The following GINS1 variants were observed in gnomAD, a reference collection of about 807,000 sequenced individuals.
GINS1 encodes GINS complex subunit 1.
A neutral mutation model predicts 34.9 loss-of-function variants in GINS1; 26 were observed. The ratio of observed to expected loss-of-function variants is 0.74; its 90% CI spans 0.55 to 1.03. The LOEUF is 1.03. Ranked by LOEUF, GINS1 falls within the 50% of genes least tolerant of loss-of-function variation. The probability of loss-of-function intolerance (pLI) is 0.00; values close to 1 mark genes in which losing one functional copy is unlikely to be tolerated. For synonymous variants in GINS1, 97 were observed against 84.4 expected, an observed-to-expected ratio of 1.15 and a Z score of -0.82; for missense variants, 235 against 237.9, an observed-to-expected ratio of 0.99 and a Z score of 0.08.
At chr20:25,438,160 G>A (rs1211200285) in intron 5 of GINS1, among the ~76,000 whole-genome samples, 3 of 148,420 alleles carry the variant, frequency 2.0e-5, no homozygotes, top group Non-Finnish European at 3.0e-5. Flanking sequence ...TCTGCCTACC[G>A]AAAAGGCCTA....
rs1600948784 is a variant in GINS1 at position 25,445,802 on chromosome 20, CTACT to C, written c.523-115_523-112del. 42 of 657,700 alleles carry C rather than the reference CTACT, an allele frequency of 6.4e-5. No individual in the cohort carries two copies. The East Asian group carries it at 9.0e-4, about 14-fold the overall frequency. The allele number at this position is 657,700 out of a possible 1,614,324, so 40.7% of individuals were successfully genotyped here. A position where few individuals can be genotyped will look rare whatever the true frequency, so the allele number is the denominator to read the frequency against. On this transcript the variant is annotated intron_variant, in intron 6 of 6. Coordinates refer to ENST00000262460, the MANE Select transcript of GINS1 (RefSeq NM_021067.5). ...CCAGCCCCTTAAGTTTAACTTTCAA[CTACT>C]TACTTGTTGGAGTTTGAAAACTAAT...
intron 2 of GINS1, among the ~76,000 whole-genome samples, chr20:25,416,381 T>C (rs1600921607): frequency 6.6e-6 from 1 of 152,252 alleles, no homozygotes; most frequent in East Asian, 1.9e-4. Flanking sequence ...AGAACAGCCC[T>C]AGAAGACATG....
intron 5 of GINS1, among the ~76,000 whole-genome samples, chr20:25,439,516 A>G (rs879910655): frequency 1.3e-5 from 2 of 152,146 alleles, no homozygotes; most frequent in African/African-American, 2.4e-5. Flanking sequence ...CAACAAATAA[A>G]ATACCAAGAG....
intron 1 of GINS1, chr20:25,413,498 A>C (rs2090300036): frequency 2.9e-6 from 1 of 346,440 alleles, no homozygotes; most frequent in Non-Finnish European, 5.2e-6. Flanking sequence ...ATATATATAC[A>C]CCTAGGAGTA....
chr20:25,425,899 T>C (rs1320356477), intron 5 of GINS1, among the ~76,000 whole-genome samples: 3 of 152,222 alleles, frequency 2.0e-5, no homozygotes, highest in Non-Finnish European at 4.4e-5. Context: ...TGGTATTAAA[T>C]ATTGTTTAAC....
intron 1 of GINS1, among the ~76,000 whole-genome samples, chr20:25,409,401 A>G (rs1212010507): frequency 2.6e-5 from 4 of 152,192 alleles, no homozygotes; most frequent in Non-Finnish European, 4.4e-5. Flanking sequence ...AGTGGCACTG[A>G]GATCAGTGTT....
rs1568802527 is a variant in GINS1, at chr20:25,423,452, C to CTTTTCTTTTTTTTTTTTTTT, written c.331-1755_331-1754insCTTTTTTTTTTTTTTTTTTT. Among the ~76,000 whole-genome samples the CTTTTCTTTTTTTTTTTTTTT allele has an allele frequency of 7.0e-4, 21 of 29,994 alleles. 4 individuals are homozygous for CTTTTCTTTTTTTTTTTTTTT. The highest frequency in any genetic ancestry group is 1.2e-3 in the Non-Finnish European group (21 of 17,348). 19.7% of individuals were successfully genotyped at this position (29,994 alleles called of 152,430 possible). A position where few individuals can be genotyped will look rare whatever the true frequency, so the allele number is the denominator to read the frequency against. Reference sequence around the variant, plus strand: ...AAGGTTATTAAGATATTTTTCTTTTCTTTTTTTTTTTTTTTTTTTTTTTTT... The same window carrying CTTTTCTTTTTTTTTTTTTTT: ...AAGGTTATTAAGATATTTTTCTTTTCTTTTCTTTTTTTTTTTTTTTTTTTTTTTTTTTTTTTTTTTTTTTT... On this transcript the variant is annotated intron_variant, in intron 4 of 6. Coordinates refer to ENST00000262460, the MANE Select transcript of GINS1 (RefSeq NM_021067.5).
At position 25,447,518 on chromosome 20, in the gene GINS1, ACT is replaced by A. The variant is rs2090519234; in HGVS notation, c.*1530_*1531del. 2 of 151,894 alleles carry A rather than the reference ACT, an allele frequency of 1.3e-5. No individual in the cohort carries two copies. Among genetic ancestry groups the A allele is most frequent in the Admixed American group, 1.3e-4 (2 of 15,246 alleles). The allele number at this position is 151,894 out of a possible 1,614,324, so 9.4% of individuals were successfully genotyped here. On this transcript the variant is annotated 3_prime_UTR_variant, in exon 7 of 7. Coordinates refer to ENST00000262460, the MANE Select transcript of GINS1 (RefSeq NM_021067.5). ...AATGTATATGTGGGTTTATTTCAGG[ACT>A]CTGTTTTGTTCCATTGACCTGTTTT... is the stretch of plus-strand genomic sequence containing the variant.
intron 5 of GINS1, among the ~76,000 whole-genome samples, chr20:25,430,075 G>C (rs930155609): frequency 1.3e-5 from 2 of 152,164 alleles, no homozygotes; most frequent in African/African-American, 4.8e-5. Flanking sequence ...ATCACGCCCA[G>C]CTAATTTTTG....
At chr20:25,445,096 T>C (rs1451541445) in intron 6 of GINS1, among the ~76,000 whole-genome samples, 1 of 152,252 alleles carries the variant, frequency 6.6e-6, no homozygotes, top group African/African-American at 2.4e-5. Context: ...GAAGTCTTAG[T>C]TGAATTGAAC....
intron 6 of GINS1, among the ~76,000 whole-genome samples, chr20:25,444,225 G>A (rs2090499096): frequency 6.6e-6 from 1 of 151,788 alleles, no homozygotes; most frequent in South Asian, 2.1e-4. Flanking sequence ...ATGTTGATCA[G>A]GCTGGTCTCA....
At chr20:25,409,599 G>C (rs1454529672) in intron 1 of GINS1, among the ~76,000 whole-genome samples, 1 of 152,204 alleles carries the variant, frequency 6.6e-6, no homozygotes, top group Non-Finnish European at 1.5e-5. Flanking sequence ...GAACACTAAA[G>C]AGCACCTAGC....
chr20:25,417,454 TA>T (rs1188971319), intron 3 of GINS1, among the ~76,000 whole-genome samples: 2 of 152,228 alleles, frequency 1.3e-5, no homozygotes, highest in African/African-American at 4.8e-5. Context: ...TATTTTGCCA[TA>T]TTTTTTTCAT....
At chr20:25,436,188 A>C (rs1300763180) in intron 5 of GINS1, among the ~76,000 whole-genome samples, 1 of 151,884 alleles carries the variant, frequency 6.6e-6, no homozygotes, top group African/African-American at 2.4e-5. Context: ...CTTGGCTTCA[A>C]GTGATGCTCC....
intron 5 of GINS1, among the ~76,000 whole-genome samples, chr20:25,435,635 G>A (rs1278842401): frequency 2.6e-5 from 4 of 151,878 alleles, no homozygotes; most frequent in African/African-American, 9.6e-5. Flanking sequence ...GTGCACGCCT[G>A]TAATCCTAGC....
intron 6 of GINS1, among the ~76,000 whole-genome samples, chr20:25,442,325 CATCTATCT>C (rs748913229): frequency 5.4e-5 from 8 of 147,756 alleles, no homozygotes; most frequent in South Asian, 2.2e-4. Context: ...AATCTTTATC[CATCTATCT>C]ATCTATCTGT....
At chr20:25,424,167 CTA>C (rs2090377007) in intron 4 of GINS1, among the ~76,000 whole-genome samples, 1 of 152,130 alleles carries the variant, frequency 6.6e-6, no homozygotes, top group Non-Finnish European at 1.5e-5. Flanking sequence ...TTATGCTAGT[CTA>C]TCTGTTCTTA....
At chr20:25,408,072 C>T (rs2090258703) in intron 1 of GINS1, among the ~76,000 whole-genome samples, 177 bp downstream of exon 1, 1 of 152,256 alleles carries the variant, frequency 6.6e-6, no homozygotes, top group Admixed American at 6.5e-5. Context: ...TTACGCTACC[C>T]AGCGATTTGG....
intron 5 of GINS1, among the ~76,000 whole-genome samples, chr20:25,433,247 T>C (rs2090437011): frequency 6.6e-6 from 1 of 152,142 alleles, no homozygotes; most frequent in Non-Finnish European, 1.5e-5. Flanking sequence ...TTTCTTGCAA[T>C]GGACTGGGGA....
Sources: allele counts gnomAD v4.1 joint callset (sites outside exome capture counted in the v4.1 genomes callset), GRCh38; gene constraint gnomAD v4.1.1; transcripts MANE v1.5; gene names NCBI Gene and HGNC (gene_info 2026-07-23, HGNC 2026-07-21).